The following OPCML variants were observed in gnomAD, a reference collection of about 807,000 sequenced individuals.
OPCML encodes opioid-binding protein/cell adhesion molecule.
Under a neutral mutation model 37.8 loss-of-function variants are expected in OPCML, and 13 were observed. The ratio of observed to expected loss-of-function variants is 0.34; its 90% CI spans 0.22 to 0.55. The LOEUF (loss-of-function observed/expected upper bound fraction) is 0.55. Ranked by LOEUF, OPCML falls within the 20% of genes least tolerant of loss-of-function variation. The pLI is 0.91. For synonymous variants in OPCML, 176 were observed against 168.8 expected (o/e 1.04, Z -0.33); for missense variants, 341 against 435.6 (o/e 0.78, Z 1.93).
Position 132,657,072 on chromosome 11 carries a change from C to G in OPCML, c.379+15G>C, listed in dbSNP as rs764742037. The G allele has an allele frequency of 6.2e-7, 1 of 1,610,676 alleles. No individual in the cohort carries two copies. Among genetic ancestry groups the G allele is most frequent in the Non-Finnish European group, 8.5e-7 (1 of 1,177,552 alleles). Reference sequence around the variant, plus strand: ...ACTGACGGGAATGGCAACCCCAGATCCAGCTGGGACTTACCTTGCACTATT... The same window carrying G: ...ACTGACGGGAATGGCAACCCCAGATGCAGCTGGGACTTACCTTGCACTATT... On this transcript the variant is annotated intron_variant, in intron 3 of 7. Transcript: ENST00000524381.
In OPCML at chr11:132,740,232, T is replaced by G. The variant is rs377668632; in HGVS notation, c.147-82913A>C. On this transcript the variant is annotated intron_variant, in intron 2 of 7. Transcript: ENST00000524381. Reference sequence around the variant, plus strand: ...CTAACAATAACGTATCTGTGATGTATCTATTTATGTGCTCTTTTAATTAAG... The same window carrying G: ...CTAACAATAACGTATCTGTGATGTAGCTATTTATGTGCTCTTTTAATTAAG... 4.6e-5 allele frequency among the ~76,000 whole-genome samples: 7 copies of G among 152,282 alleles called. 1 individual carries two copies. In the East Asian group the frequency reaches 1.3e-3, roughly 29 times the overall value.
chr11:132,638,296 C>G (rs1455705763), intron 3 of OPCML, among the ~76,000 whole-genome samples: 3 of 151,396 alleles, frequency 2.0e-5, no homozygotes, highest in South Asian at 2.1e-4. Flanking sequence ...GGTGTTCAGA[C>G]CCCTGTATTT....
At chr11:133,088,959 A>G (rs1948861661) in intron 1 of OPCML, among the ~76,000 whole-genome samples, 1 of 152,238 alleles carries the variant, frequency 6.6e-6, no homozygotes, top group South Asian at 2.1e-4. Flanking sequence ...AATATCTCCA[A>G]AAGTTCCCAT....
intron 3 of OPCML, among the ~76,000 whole-genome samples, chr11:132,616,298 C>G (rs148893493): frequency 5.3e-5 from 8 of 152,296 alleles, no homozygotes; most frequent in African/African-American, 1.9e-4. Flanking sequence ...TAAACTAATG[C>G]ACACACTGTT....
Position 133,250,539 on chromosome 11 carries a change from AGGAAGGAAGGAAGGAAGGAGGGAG to A in OPCML, c.61+281701_61+281724del, listed in dbSNP as rs1159371739. The stretch of plus-strand genomic sequence containing the variant: ...GGGAGGGAAGGGAGGGAGGGAGGGA[AGGAAGGAAGGAAGGAAGGAGGGAG>A]GGAAGGAAGGAAGAAAATTAAACAA... On this transcript the variant is annotated intron_variant, in intron 1 of 7. Transcript: ENST00000524381. Among the ~76,000 whole-genome samples, 82 of 76,362 alleles carry A rather than the reference AGGAAGGAAGGAAGGAAGGAGGGAG, an allele frequency of 1.1e-3. 2 individuals carry two copies. The highest frequency in any genetic ancestry group is 1.7e-3 in the Non-Finnish European group (61 of 36,492). 50.1% of individuals were successfully genotyped at this position (76,362 alleles called of 152,430 possible).
chr11:132,554,219 G>A (rs79892992), intron 3 of OPCML, among the ~76,000 whole-genome samples: 20,461 of 152,184 alleles, frequency 0.13, 3,398 homozygotes, highest in African/African-American at 0.39. Flanking sequence ...TCAGTCTGCT[G>A]TTCCACAGCC....
At chr11:133,372,047 G>T (rs1006663722) in intron 1 of OPCML, among the ~76,000 whole-genome samples, 1 of 152,224 alleles carries the variant, frequency 6.6e-6, no homozygotes, top group Non-Finnish European at 1.5e-5. Context: ...ATGAAGAGAG[G>T]TTGATTGATG....
chr11:132,893,961 C>G (rs900260402), intron 2 of OPCML, among the ~76,000 whole-genome samples: 4 of 152,148 alleles, frequency 2.6e-5, no homozygotes, highest in Non-Finnish European at 4.4e-5. Flanking sequence ...AAAGATGCGT[C>G]TTTACATCAC....
At chr11:132,630,278 G>A (rs1357229854) in intron 3 of OPCML, among the ~76,000 whole-genome samples, 3 of 152,168 alleles carry the variant, frequency 2.0e-5, no homozygotes, top group Non-Finnish European at 4.4e-5. Context: ...GAAATGGTAG[G>A]ACTGGGCACC....
At chr11:133,144,160 A>G (rs1949864405) in intron 1 of OPCML, among the ~76,000 whole-genome samples, 1 of 152,192 alleles carries the variant, frequency 6.6e-6, no homozygotes, top group African/African-American at 2.4e-5. Context: ...CGAATGCTTC[A>G]GTCACTAGAA....
At chr11:133,426,808 TTCCCCAAAAACATAACAGA>T (rs1946012986) in intron 1 of OPCML, among the ~76,000 whole-genome samples, 1 of 152,144 alleles carries the variant, frequency 6.6e-6, no homozygotes, top group Non-Finnish European at 1.5e-5. Context: ...CATTTTCACA[TTCCCCAAAAACATAACAGA>T]AAGCAAGGTT....
intron 1 of OPCML, among the ~76,000 whole-genome samples, chr11:133,253,612 G>A (rs533122205): frequency 7.2e-5 from 11 of 152,196 alleles, no homozygotes; most frequent in African/African-American, 2.4e-4. Flanking sequence ...CCTGGCTTGC[G>A]AGTCACATTT....
intron 1 of OPCML, chr11:133,360,618 A>G (rs28482456): frequency 0.12 from 17,774 of 152,280 alleles, 1,149 homozygotes; most frequent in Admixed American, 0.18. Flanking sequence ...GGGAGGAGGG[A>G]AGAAGGGAGG....
intron 2 of OPCML, among the ~76,000 whole-genome samples, chr11:132,669,300 G>A (rs1357733061): frequency 6.6e-6 from 1 of 152,040 alleles, no homozygotes; most frequent in Non-Finnish European, 1.5e-5. Context: ...GAGGGACATG[G>A]AGTGATGGGA....
chr11:133,401,575 T>C (rs1399374602), intron 1 of OPCML, among the ~76,000 whole-genome samples: 1 of 152,180 alleles, frequency 6.6e-6, no homozygotes, highest in African/African-American at 2.4e-5. Flanking sequence ...ATGTTGATAT[T>C]GATATTATTA....
chr11:132,647,669 T>C (rs960848017), intron 3 of OPCML, among the ~76,000 whole-genome samples: 1 of 152,062 alleles, frequency 6.6e-6, no homozygotes, highest in Non-Finnish European at 1.5e-5. Flanking sequence ...TGTCTTAATG[T>C]TGAGTAGGCT....
rs1323988637 is a variant in OPCML at position 132,674,213 on chromosome 11, C to T, written c.147-16894G>A. 2.0e-5 allele frequency among the ~76,000 whole-genome samples: 3 copies of T among 152,144 alleles called. No individual in the cohort carries two copies. In the East Asian group the frequency reaches 5.8e-4, roughly 29 times the overall value. ...CCTCAGAAGAAATTTTACTATAAAT[C>T]CAGAAAAGAAAACTTAGCATCACAG... On this transcript the variant is annotated intron_variant, in intron 2 of 7. Coordinates refer to ENST00000524381, the MANE Select transcript of OPCML (RefSeq NM_001012393.5).
At chr11:133,115,344 G>A (rs772648858) in intron 1 of OPCML, among the ~76,000 whole-genome samples, 3 of 152,202 alleles carry the variant, frequency 2.0e-5, no homozygotes, top group Non-Finnish European at 4.4e-5. Context: ...CAAGCCCACT[G>A]CTCATGCTTG....
intron 2 of OPCML, among the ~76,000 whole-genome samples, chr11:132,758,531 G>T (rs1009154151): frequency 6.6e-6 from 1 of 152,028 alleles, no homozygotes; most frequent in Admixed American, 6.6e-5. Context: ...CTGTAAGTTG[G>T]ATTCCTAGGT....
Sources: allele counts gnomAD v4.1 joint callset (sites outside exome capture counted in the v4.1 genomes callset), GRCh38; gene constraint gnomAD v4.1.1; transcripts MANE v1.5; gene names NCBI Gene and HGNC (gene_info 2026-07-23, HGNC 2026-07-21).